Variants in GLIPR2 observed in about 807,000 individuals in gnomAD.
The protein encoded by GLIPR2 is GLI pathogenesis related 2.
A neutral mutation model predicts 20.4 loss-of-function variants in GLIPR2; 21 were observed. That is an observed-to-expected ratio of 1.03 (90% confidence interval 0.73 to 1.48). The LOEUF is 1.48. Among genes scored for constraint, GLIPR2 ranks in the 40% most tolerant of loss-of-function variants. GLIPR2 has a pLI of 0.00. For missense variants in GLIPR2, 205 were observed against 200.1 expected, an observed-to-expected ratio of 1.02 and a Z score of -0.15; for synonymous variants, 91 against 80.5, an observed-to-expected ratio of 1.13 and a Z score of -0.70.
chr9:36,152,952 CAAAAAAAAAAA>C (rs67296666), intron 4 of GLIPR2, among the ~76,000 whole-genome samples: 4 of 14,008 alleles, frequency 2.9e-4, no homozygotes, highest in East Asian at 2.4e-3. Flanking sequence ...ACTGAAAGTG[CAAAAAAAAAAA>C]AAAAAAAAAA....
intron 4 of GLIPR2, among the ~76,000 whole-genome samples, chr9:36,158,482 C>A (rs1368825385): frequency 6.6e-6 from 1 of 152,182 alleles, no homozygotes; most frequent in African/African-American, 2.4e-5. Flanking sequence ...CTTTCCTCCT[C>A]CCTCCCTCCG....
At chr9:36,158,905 A>G (rs1825943431) in intron 4 of GLIPR2, among the ~76,000 whole-genome samples, 1 of 152,122 alleles carries the variant, frequency 6.6e-6, no homozygotes, top group Non-Finnish European at 1.5e-5. Flanking sequence ...TCTCTACTAA[A>G]GATACAAAAA....
rs1826111186 is a variant in GLIPR2, at chr9:36,162,728, C to T, written c.*206C>T. ...AGGAGTGAGCAAAGGAAGCATTTAC[C>T]CCGATGGTTACCTAGACCACGATTA... On this transcript the variant is annotated 3_prime_UTR_variant, in exon 5 of 5. Coordinates refer to ENST00000377960, the MANE Select transcript of GLIPR2 (RefSeq NM_022343.4). 1 of 629,604 alleles carries T rather than the reference C, an allele frequency of 1.6e-6. No individual in the cohort carries two copies. 39.0% of individuals were successfully genotyped at this position (629,604 alleles called of 1,614,324 possible). A position where few individuals can be genotyped will look rare whatever the true frequency, so the allele number is the denominator to read the frequency against.
At chr9:36,156,152 G>A (rs1156294418) in intron 4 of GLIPR2, among the ~76,000 whole-genome samples, 2 of 152,172 alleles carry the variant, frequency 1.3e-5, no homozygotes, top group Admixed American at 1.3e-4. Context: ...GAAGGTTTCA[G>A]TAAGCCAAGA....
At chr9:36,146,661 G>C (rs935411657) in intron 1 of GLIPR2, among the ~76,000 whole-genome samples, 4 of 152,230 alleles carry the variant, frequency 2.6e-5, no homozygotes, top group Non-Finnish European at 5.9e-5. Flanking sequence ...AAATAGGAAA[G>C]AAAGTAACCA....
At chr9:36,149,849 G>A (rs1825503533) in intron 3 of GLIPR2, among the ~76,000 whole-genome samples, 1 of 152,194 alleles carries the variant, frequency 6.6e-6, no homozygotes, top group Non-Finnish European at 1.5e-5. Context: ...CCAACATGGA[G>A]AAACCCCATC....
In GLIPR2 at chr9:36,145,658, T is replaced by TA. The variant is rs1825295305; in HGVS notation, c.14-2127dup. Among the ~76,000 whole-genome samples the TA allele has an allele frequency of 2.0e-5, 3 of 152,150 alleles. No homozygotes were observed. The South Asian group carries it at 6.2e-4, about 32-fold the overall frequency. On this transcript the variant is annotated intron_variant, in intron 1 of 4. Coordinates refer to ENST00000377960, the MANE Select transcript of GLIPR2 (RefSeq NM_022343.4). ...GCATGGATAGATGTATGGAAGATATTAGGTGGATGGGTGGGTAGATGGAGG... is the reference window on the plus strand; with the variant it reads ...GCATGGATAGATGTATGGAAGATATTAAGGTGGATGGGTGGGTAGATGGAGG...
At chr9:36,147,916 G>A (rs530530072) in intron 2 of GLIPR2, 22 bp downstream of exon 2, 2 of 1,116,594 alleles carry the variant, frequency 1.8e-6, no homozygotes, top group East Asian at 2.3e-5. Context: ...AGCACATCCG[G>A]GTAACTTGGC....
chr9:36,162,180 A>G (rs1252022643), intron 4 of GLIPR2, 182 bp from the exon 5 acceptor site: 11 of 1,305,898 alleles, frequency 8.4e-6, no homozygotes, highest in African/African-American at 3.1e-5. Context: ...ATCTTGGGGG[A>G]AAAAAAAAGA....
At chr9:36,139,026 C>A (rs779015098) in intron 1 of GLIPR2, among the ~76,000 whole-genome samples, 4 of 151,910 alleles carry the variant, frequency 2.6e-5, no homozygotes, top group African/African-American at 9.7e-5. Flanking sequence ...GGGAGACTGC[C>A]GCAGTCACAA....
At chr9:36,151,879 G>A (rs1299504723) in intron 4 of GLIPR2, among the ~76,000 whole-genome samples, 4 of 152,108 alleles carry the variant, frequency 2.6e-5, no homozygotes, top group Non-Finnish European at 5.9e-5. Context: ...GAGTTTCTCT[G>A]ACCAGAAGGT....
intron 3 of GLIPR2, 23 bp downstream of exon 3, chr9:36,148,673 C>T: frequency 6.7e-7 from 1 of 1,499,284 alleles, no homozygotes; most frequent in Non-Finnish European, 9.3e-7. Context: ...TTCAGCTCCT[C>T]TCCTCTCTGC....
intron 4 of GLIPR2, among the ~76,000 whole-genome samples, chr9:36,159,501 T>C (rs1825968998): frequency 6.6e-6 from 1 of 152,216 alleles, no homozygotes; most frequent in African/African-American, 2.4e-5. Context: ...TGGGTGCATT[T>C]TGGTGATTAA....
chr9:36,155,538 G>C (rs55874228), intron 4 of GLIPR2, among the ~76,000 whole-genome samples: 43,168 of 151,940 alleles, frequency 0.28, 6,118 homozygotes, highest in Non-Finnish European at 0.31. Context: ...AGGTTGCAGT[G>C]ACATGAGATC....
intron 4 of GLIPR2, among the ~76,000 whole-genome samples, chr9:36,158,066 A>G (rs568655695): frequency 1.3e-5 from 2 of 150,862 alleles, no homozygotes; most frequent in East Asian, 2.0e-4. Context: ...GCCCACCTCA[A>G]CCTCCCAAAG....
chr9:36,142,542 C>G (rs993584332), intron 1 of GLIPR2, among the ~76,000 whole-genome samples: 1 of 152,188 alleles, frequency 6.6e-6, no homozygotes, highest in Non-Finnish European at 1.5e-5. Flanking sequence ...GGTGAGCCTG[C>G]GTCTTCCTCA....
chr9:36,150,225 A>C (rs1825517725), intron 3 of GLIPR2, among the ~76,000 whole-genome samples: 1 of 152,190 alleles, frequency 6.6e-6, no homozygotes, highest in Non-Finnish European at 1.5e-5. Flanking sequence ...CTGTAGACCT[A>C]CTGAATCAGA....
At chr9:36,159,907 A>G (rs1040044502) in intron 4 of GLIPR2, among the ~76,000 whole-genome samples, 5 of 152,118 alleles carry the variant, frequency 3.3e-5, no homozygotes, top group African/African-American at 1.2e-4. Flanking sequence ...TGGAGGCTGC[A>G]GTGAGCCGAG....
intron 4 of GLIPR2, among the ~76,000 whole-genome samples, chr9:36,160,607 G>A (rs1826015507): frequency 6.6e-6 from 1 of 152,180 alleles, no homozygotes; most frequent in African/African-American, 2.4e-5. Context: ...TTCTGAGGTG[G>A]GACATACTCT....
Sources: allele counts gnomAD v4.1 joint callset (sites outside exome capture counted in the v4.1 genomes callset), GRCh38; gene constraint gnomAD v4.1.1; transcripts MANE v1.5; gene names NCBI Gene and HGNC (gene_info 2026-07-23, HGNC 2026-07-21).